The following ZNF275 variants were observed in gnomAD, a reference collection of about 807,000 sequenced individuals.
ZNF275 encodes the protein zinc finger protein 275.
A neutral mutation model predicts 4.3 loss-of-function variants in ZNF275; 4 were observed. The ratio of observed to expected loss-of-function variants is 0.93; its 90% confidence interval spans 0.46 to 2.13. The LOEUF is 2.13. Ranked by LOEUF, ZNF275 falls within the 30% of genes most tolerant of loss-of-function variation. The pLI, the probability that ZNF275 is intolerant of heterozygous loss-of-function variation, is 0.02. For synonymous variants in ZNF275, 173 were observed against 166.9 expected, an observed-to-expected ratio of 1.04 and a Z score of -0.28; for missense variants, 352 against 397.1, an observed-to-expected ratio of 0.89 and a Z score of 0.97.
intron 2 of ZNF275, among the ~76,000 whole-genome samples, chrX:153,338,657 GGACTGTGTGTGTGTGTGTGTGT>G (rs2088460903): frequency 1.1e-5 from 1 of 89,157 alleles, no homozygotes; most frequent in African/African-American, 4.2e-5. Flanking sequence ...TGGCTTGGGA[GGACTGTGTGTGTGTGTGTGTGT>G]GTGTGTGTGT....
intron 2 of ZNF275, among the ~76,000 whole-genome samples, chrX:153,342,864 C>G (rs782609212): frequency 1.8e-5 from 2 of 112,768 alleles, no homozygotes; most frequent in African/African-American, 6.4e-5. Flanking sequence ...TACTGCATAA[C>G]TAACTCCTTT....
At chrX:153,344,213 G>A (rs2088496989) in intron 2 of ZNF275, 2 of 326,715 alleles carry the variant, frequency 6.1e-6, no homozygotes, top group African/African-American at 5.3e-5. Context: ...AGAGGCCTAG[G>A]TGAGCTGTGC....
At chrX:153,336,071 G>A (rs1300088550) in intron 1 of ZNF275, among the ~76,000 whole-genome samples, 2 of 112,438 alleles carry the variant, frequency 1.8e-5, no homozygotes, top group Admixed American at 9.4e-5. Flanking sequence ...TCTTCTTGGA[G>A]AAATGGGAAC....
At chrX:153,334,918 G>C (rs1158048251) in intron 1 of ZNF275, among the ~76,000 whole-genome samples, 1 of 107,945 alleles carries the variant, frequency 9.3e-6, no homozygotes, top group African/African-American at 3.4e-5. Context: ...ATGGGGGCCG[G>C]TAGGTAGCCT....
At chrX:153,339,767 G>A (rs2088469555) in intron 2 of ZNF275, among the ~76,000 whole-genome samples, 1 of 111,711 alleles carries the variant, frequency 9.0e-6, no homozygotes, top group South Asian at 3.8e-4. Context: ...CAGAGGCCTT[G>A]AAGGCCACAG....
At position 153,338,038 on chromosome X, in the gene ZNF275, G is replaced by A. The variant is rs895160567; in HGVS notation, c.31+1328G>A. ...TTCATGTTCTGTCTGGAATTCCTTC[G>A]ACCTTGATTCCCCAAGATCCACTGT... On this transcript the variant is annotated intron_variant, in intron 2 of 3. Transcript: ENST00000650114. 2.7e-5 allele frequency among the ~76,000 whole-genome samples: 3 copies of A among 110,923 alleles called. No individual in the cohort carries two copies. The Admixed American group carries it at 2.9e-4, about 11-fold the overall frequency.
chrX:153,343,731 G>A (rs1204426078), intron 2 of ZNF275, among the ~76,000 whole-genome samples: 1 of 111,361 alleles, frequency 9.0e-6, no homozygotes, highest in African/African-American at 3.3e-5. Flanking sequence ...TACAAAGTTG[G>A]AAAGGGTCTC....
rs1602836678 is a variant in ZNF275, at chrX:153,351,070, G to T, written c.*3095G>T. On this transcript the variant is annotated 3_prime_UTR_variant, in exon 4 of 4. Coordinates refer to ENST00000650114, the MANE Select transcript of ZNF275 (RefSeq NM_001367757.1). ...CGTCACTGCTCCCAGCTGGGACGTG[G>T]TGTCTTGGCATCCCTTCCTGCCGTC... 2 of 123,374 alleles carry T rather than the reference G, an allele frequency of 1.6e-5. No homozygotes were observed. The highest frequency in any genetic ancestry group is 5.6e-4 in the East Asian group (2 of 3,574). The allele number at this position is 123,374 out of a possible 1,213,427, so 10.2% of individuals were successfully genotyped here. A position where few individuals can be genotyped will look rare whatever the true frequency, so the allele number is the denominator to read the frequency against.
At chrX:153,346,501 G>A (rs1042737749) in intron 3 of ZNF275, among the ~76,000 whole-genome samples, 1 of 110,939 alleles carries the variant, frequency 9.0e-6, no homozygotes, top group African/African-American at 3.3e-5. Context: ...GCCCTTTGGA[G>A]ATTCAAGTTA....
At chrX:153,336,766 C>T in intron 2 of ZNF275, 56 bp downstream of exon 2, 1 of 1,121,516 alleles carries the variant, frequency 8.9e-7, no homozygotes, top group Non-Finnish European at 1.2e-6. Context: ...GGCATGCTAT[C>T]AGAAGACCCT....
chrX:153,337,809 T>C (rs993953220), intron 2 of ZNF275, among the ~76,000 whole-genome samples: 1 of 112,094 alleles, frequency 8.9e-6, no homozygotes, highest in African/African-American at 3.3e-5. Context: ...TCAGATCCCA[T>C]TGAAAGAAGG....
Position 153,347,988 on chromosome X carries a change from G to T in ZNF275, c.*13G>T. 1 of 1,102,790 alleles carries T rather than the reference G, an allele frequency of 9.1e-7. No homozygotes were observed. The highest frequency in any genetic ancestry group is 1.2e-6 in the Non-Finnish European group (1 of 840,848). The allele number at this position is 1,102,790 out of a possible 1,213,427, so 90.9% of individuals were successfully genotyped here. A position where few individuals can be genotyped will look rare whatever the true frequency, so the allele number is the denominator to read the frequency against. On this transcript the variant is annotated 3_prime_UTR_variant, in exon 4 of 4. Transcript: ENST00000650114. ...CCACCACGAGTAGAAACGCCCTGTG[G>T]TCCCGCGGGACAGGGACGGAGTCCC...
At chrX:153,344,038 C>T (rs1285348386) in intron 2 of ZNF275, among the ~76,000 whole-genome samples, 1 of 112,281 alleles carries the variant, frequency 8.9e-6, no homozygotes, top group African/African-American at 3.2e-5. Context: ...GATCAGAAAC[C>T]AAGGAAGAAG....
intron 2 of ZNF275, among the ~76,000 whole-genome samples, chrX:153,340,069 T>C (rs1272499412): frequency 8.9e-6 from 1 of 112,520 alleles, no homozygotes; most frequent in Non-Finnish European, 1.9e-5. Flanking sequence ...CATTTTGTAC[T>C]GGAAGCCAAA....
chrX:153,340,492 C>T (rs2088474619), intron 2 of ZNF275, among the ~76,000 whole-genome samples: 1 of 113,099 alleles, frequency 8.8e-6, no homozygotes. Context: ...CCCATTGACT[C>T]CTTGGCCTCA....
At chrX:153,336,559 A>C in intron 1 of ZNF275, 75 bp from the exon 2 acceptor site, 2 of 745,893 alleles carry the variant, frequency 2.7e-6, no homozygotes, top group Middle Eastern at 3.2e-4. Context: ...TACATCCCCC[A>C]AAATGTGGGG....
chrX:153,339,429 T>G (rs1556960872), intron 2 of ZNF275, among the ~76,000 whole-genome samples: 1 of 111,377 alleles, frequency 9.0e-6, no homozygotes, highest in East Asian at 2.8e-4. Context: ...GTCTCAGCAT[T>G]CGGAGATTGA....
At position 153,347,805 on chromosome X, in the gene ZNF275, C is replaced by T; in HGVS notation, c.1120C>T (p.Leu374=). 8.3e-7 allele frequency: 1 copy of T among 1,209,800 alleles called. No homozygotes were observed. Among genetic ancestry groups the T allele is most frequent in the Non-Finnish European group, 1.1e-6 (1 of 894,320 alleles). ...CAAGCACCGGCGCATCCACAGCGGA[C>T]TGAAACCCTATGAGTGCGACAAATG... ...LIKHRRIHSG[L]KPYECDKCGK... Residue 374 remains leucine (L), a synonymous_variant, in exon 4 of 4, where the codon CTG becomes TTG. Transcript: ENST00000650114.
chrX:153,344,640 A>G (rs1556961341), intron 2 of ZNF275: 2 of 375,849 alleles, frequency 5.3e-6, no homozygotes, highest in South Asian at 4.7e-5. Flanking sequence ...AAATAGATGG[A>G]AAGACTGATG....
Sources: allele counts gnomAD v4.1 joint callset (sites outside exome capture counted in the v4.1 genomes callset), GRCh38; gene constraint gnomAD v4.1.1; transcripts MANE v1.5; gene names NCBI Gene and HGNC (gene_info 2026-07-23, HGNC 2026-07-21).